The following SNX29 variants were observed in gnomAD, a reference collection of about 807,000 sequenced individuals.
The protein encoded by SNX29 is sorting nexin 29, also known as sorting nexin-29.
In SNX29, 78 loss-of-function variants were observed where a neutral mutation model predicts 102.1. The ratio of observed to expected loss-of-function variants is 0.76; its 90% CI spans 0.64 to 0.92. SNX29 has a LOEUF of 0.92. Among genes scored for constraint, SNX29 ranks in the 40% least tolerant of loss-of-function variants. The probability of loss-of-function intolerance (pLI) is 0.00; values close to 1 mark genes in which losing one functional copy is unlikely to be tolerated. For missense variants in SNX29, 1,280 were observed against 1,061.7 expected (o/e 1.21, Z -2.86); for synonymous variants, 580 against 414.5 (o/e 1.40, Z -4.85).
At chr16:12,286,470 C>T (rs532952062) in intron 15 of SNX29, among the ~76,000 whole-genome samples, 4 of 151,672 alleles carry the variant, frequency 2.6e-5, no homozygotes, top group African/African-American at 7.3e-5. Flanking sequence ...CTCAGCCTCC[C>T]AAGTAGCTGG....
intron 13 of SNX29, among the ~76,000 whole-genome samples, chr16:12,174,402 A>C (rs2076215629): frequency 6.6e-6 from 1 of 152,226 alleles, no homozygotes; most frequent in African/African-American, 2.4e-5. Flanking sequence ...CCATCTTGGC[A>C]AGATACATCG....
intron 11 of SNX29, among the ~76,000 whole-genome samples, chr16:12,106,027 G>T (rs980205931): frequency 6.6e-6 from 1 of 152,150 alleles, no homozygotes; most frequent in African/African-American, 2.4e-5. Flanking sequence ...TCCTCTGGAG[G>T]GACAGAGCCA....
intron 1 of SNX29, among the ~76,000 whole-genome samples, chr16:11,985,958 C>G (rs1302806023): frequency 2.6e-5 from 4 of 151,694 alleles, no homozygotes; most frequent in African/African-American, 9.7e-5. Flanking sequence ...TCGAGCGCCA[C>G]CATGCCTGGC....
chr16:12,505,385 A>G (rs975370820), intron 19 of SNX29, among the ~76,000 whole-genome samples: 2 of 152,232 alleles, frequency 1.3e-5, no homozygotes, highest in African/African-American at 2.4e-5. Flanking sequence ...TTGTTTCCAC[A>G]TTGAATTTTC....
chr16:12,090,044 G>A (rs2052434454), intron 11 of SNX29: 1 of 156,282 alleles, frequency 6.4e-6, no homozygotes, highest in Non-Finnish European at 1.4e-5. Context: ...GTCCCAGCGG[G>A]GAGTTCTGGA....
intron 13 of SNX29, among the ~76,000 whole-genome samples, chr16:12,155,344 G>A (rs73519875): frequency 0.019 from 2,866 of 152,228 alleles, 86 homozygotes; most frequent in African/African-American, 0.065. Context: ...AAGAACAGGC[G>A]CAATTTAGCA....
At chr16:12,086,837 A>G (rs904797942) in intron 11 of SNX29, 7 of 152,152 alleles carry the variant, frequency 4.6e-5, no homozygotes, top group African/African-American at 1.2e-4. Flanking sequence ...AAATAGTCCC[A>G]TGGGTCCCAA....
intron 11 of SNX29, among the ~76,000 whole-genome samples, chr16:12,105,866 T>C (rs1287306179): frequency 1.3e-5 from 2 of 152,086 alleles, no homozygotes; most frequent in African/African-American, 2.4e-5. Context: ...GTTTGGTGAA[T>C]GAGTGGAGAA....
chr16:12,360,433 C>G (rs1473401776), intron 16 of SNX29, among the ~76,000 whole-genome samples: 3 of 152,212 alleles, frequency 2.0e-5, no homozygotes, highest in African/African-American at 7.2e-5. Context: ...TCATGTTCCT[C>G]TGTCCCTTAC....
intron 15 of SNX29, among the ~76,000 whole-genome samples, chr16:12,292,001 C>T (rs1220419548): frequency 6.6e-6 from 1 of 152,158 alleles, no homozygotes; most frequent in Non-Finnish European, 1.5e-5. Context: ...TTTTTAGCAG[C>T]AAGCAATCAG....
chr16:12,313,715 C>T (rs2080640560), intron 15 of SNX29, among the ~76,000 whole-genome samples: 1 of 152,250 alleles, frequency 6.6e-6, no homozygotes, highest in Non-Finnish European at 1.5e-5. Flanking sequence ...GCATCCCCCA[C>T]ACCTCACCCC....
intron 1 of SNX29, among the ~76,000 whole-genome samples, chr16:11,996,161 T>C (rs909489110): frequency 1.3e-5 from 2 of 152,076 alleles, no homozygotes; most frequent in Admixed American, 1.3e-4. Context: ...CCCAGCTGTT[T>C]GGGAGGCAGA....
chr16:12,278,140 C>G, intron 15 of SNX29, 104 bp downstream of exon 15: 5 of 898,654 alleles, frequency 5.6e-6, no homozygotes, highest in Non-Finnish European at 8.8e-6. Flanking sequence ...GCAAAACGAC[C>G]AAGCAACTCC....
At chr16:12,129,486 C>T (rs944334112) in intron 12 of SNX29, 144 bp from the exon 13 acceptor site, 6 of 1,097,790 alleles carry the variant, frequency 5.5e-6, no homozygotes, top group Middle Eastern at 3.3e-4. Context: ...CTCCAGTTCA[C>T]ATGAGATAGA....
At chr16:12,517,810 G>C (rs1249283839) in intron 19 of SNX29, among the ~76,000 whole-genome samples, 3 of 152,018 alleles carry the variant, frequency 2.0e-5, no homozygotes, top group Non-Finnish European at 4.4e-5. Flanking sequence ...GATCAGAGAG[G>C]GCCTGGGCGA....
At chr16:12,125,480 T>G (rs1596982723) in intron 11 of SNX29, among the ~76,000 whole-genome samples, 1 of 151,108 alleles carries the variant, frequency 6.6e-6, no homozygotes, top group Non-Finnish European at 1.5e-5. Flanking sequence ...CCTGGGAGGG[T>G]AGGGAAGGGT....
chr16:12,515,211 C>A (rs768518891), intron 19 of SNX29, among the ~76,000 whole-genome samples: 6 of 152,162 alleles, frequency 3.9e-5, no homozygotes. Context: ...CTTCATCAGG[C>A]GTGTGTTGTG....
chr16:12,313,603 C>T (rs911628361), intron 15 of SNX29, among the ~76,000 whole-genome samples: 7 of 152,228 alleles, frequency 4.6e-5, no homozygotes, highest in African/African-American at 1.4e-4. Flanking sequence ...CGTCCCAGCT[C>T]TGAATTCGGT....
chr16:12,554,123 C>T lies in SNX29; in HGVS notation c.2319-14383C>T, dbSNP rs117840085. On this transcript the variant is annotated intron_variant, in intron 20 of 20. Transcript: ENST00000566228. ...GATTACAGGTCTAAGCCACCATGCC[C>T]AGCCTGGATGCTTTGCTCTTTACTG... Among the ~76,000 whole-genome samples the T allele has an allele frequency of 7.9e-3, 1,198 of 152,356 alleles. 7 individuals are homozygous for T. The highest frequency in any genetic ancestry group is 0.031 in the South Asian group (150 of 4,832).
Sources: gnomAD v4.1 joint callset for allele counts (sites outside exome capture counted in the v4.1 genomes callset) on GRCh38, gnomAD v4.1.1 for gene constraint, MANE v1.5 for transcripts, NCBI Gene and HGNC (gene_info 2026-07-23, HGNC 2026-07-21) for gene names.